Variants in MME observed in about 807,000 individuals in gnomAD.
MME encodes the protein neprilysin.
MME carries 98 observed loss-of-function variants against 113.2 expected under a neutral mutation model. The observed-to-expected ratio is 0.87, with a 90% CI of 0.74 to 1.02. MME has a LOEUF of 1.02. MME is among the 50% of genes least tolerant of loss of function. MME has a pLI of 0.00. For missense variants in MME, 836 were observed against 896.0 expected, an observed-to-expected ratio of 0.93 and a Z score of 0.86; for synonymous variants, 292 against 300.6, an observed-to-expected ratio of 0.97 and a Z score of 0.30.
At chr3:155,132,831 A>T (rs1159887675) in intron 8 of MME, among the ~76,000 whole-genome samples, 1 of 151,598 alleles carries the variant, frequency 6.6e-6, no homozygotes, top group Non-Finnish European at 1.5e-5. Context: ...GAGGTGGTGG[A>T]TCACCTGGGG....
intron 8 of MME, among the ~76,000 whole-genome samples, chr3:155,126,347 A>T (rs1198120107): frequency 2.0e-5 from 3 of 151,750 alleles, no homozygotes; most frequent in African/African-American, 7.2e-5. Context: ...TTTTTTTTAC[A>T]TTTTAATTCT....
At chr3:155,117,636 T>C (rs567189936) in intron 7 of MME, among the ~76,000 whole-genome samples, 9 of 148,396 alleles carry the variant, frequency 6.1e-5, no homozygotes, top group South Asian at 4.2e-4. Flanking sequence ...TAAGAAATTA[T>C]ACAAAAAATT....
intron 1 of MME, among the ~76,000 whole-genome samples, chr3:155,033,671 C>T (rs568878032): frequency 4.1e-4 from 62 of 152,186 alleles, no homozygotes; most frequent in Middle Eastern, 3.4e-3. Flanking sequence ...TTAAAACAGT[C>T]TATCAGTTCT....
intron 3 of MME, among the ~76,000 whole-genome samples, chr3:155,111,021 C>T (rs1198551622): frequency 1.3e-5 from 2 of 152,108 alleles, no homozygotes; most frequent in Admixed American, 6.5e-5. Context: ...GTCAGAGATC[C>T]ACAGATAAGG....
intron 3 of MME, among the ~76,000 whole-genome samples, chr3:155,091,740 A>C (rs538193805): frequency 1.3e-5 from 2 of 152,204 alleles, no homozygotes; most frequent in Non-Finnish European, 2.9e-5. Context: ...GGAAATTGAA[A>C]AATACGCAAT....
At chr3:155,126,787 GT>G (rs1719699034) in intron 8 of MME, among the ~76,000 whole-genome samples, 1 of 151,946 alleles carries the variant, frequency 6.6e-6, no homozygotes, top group African/African-American at 2.4e-5. Flanking sequence ...ATCACCTGAG[GT>G]CGGGAGATCG....
chr3:155,084,042 T>C, intron 1 of MME, 116 bp from the exon 2 acceptor site: 1 of 1,014,586 alleles, frequency 9.9e-7, no homozygotes, highest in South Asian at 1.5e-5. Context: ...ACAGCAAAAA[T>C]GTATTTCTAT....
At chr3:155,166,606 G>T (rs956828552) in intron 17 of MME, among the ~76,000 whole-genome samples, 2 of 152,158 alleles carry the variant, frequency 1.3e-5, no homozygotes, top group African/African-American at 2.4e-5. Flanking sequence ...GAATCGTGAT[G>T]ATAAATCATA....
intron 3 of MME, among the ~76,000 whole-genome samples, chr3:155,098,924 G>C (rs185971423): frequency 1.3e-5 from 2 of 152,196 alleles, no homozygotes; most frequent in Admixed American, 1.3e-4. Context: ...AAGTGCCAGA[G>C]TCTTAAACAA....
intron 20 of MME, among the ~76,000 whole-genome samples, chr3:155,169,308 C>A (rs1306565040): frequency 1.3e-5 from 2 of 152,086 alleles, no homozygotes; most frequent in Non-Finnish European, 2.9e-5. Flanking sequence ...CAGCACATGG[C>A]CTTGTAGTCA....
chr3:155,076,488 A>T (rs981440007), upstream of MME, among the ~76,000 whole-genome samples: 1 of 152,224 alleles, frequency 6.6e-6, no homozygotes, highest in African/African-American at 2.4e-5. Flanking sequence ...TTCAGCACTC[A>T]CATATCCTTC....
intron 8 of MME, among the ~76,000 whole-genome samples, chr3:155,124,532 T>G (rs1159008746): frequency 6.6e-6 from 1 of 152,234 alleles, no homozygotes; most frequent in Non-Finnish European, 1.5e-5. Context: ...GTTCTGTTTT[T>G]TCCCCATCTT....
At chr3:155,076,859 T>A (rs114004148), upstream of MME, among the ~76,000 whole-genome samples, 1,568 of 152,332 alleles carry the variant, frequency 0.01, 29 homozygotes, top group African/African-American at 0.036. Context: ...CTGGTGGTAG[T>A]GTCTTTTAGC....
chr3:155,060,829 CAG>C (rs138935329), intron 1 of MME, among the ~76,000 whole-genome samples: 2,301 of 136,616 alleles, frequency 0.017, 8 homozygotes, highest in African/African-American at 0.025. Flanking sequence ...TGCAGAGAGG[CAG>C]AGAGAGAGAG....
chr3:155,101,670 T>G (rs1298033821), intron 3 of MME, among the ~76,000 whole-genome samples: 1 of 152,188 alleles, frequency 6.6e-6, no homozygotes, highest in Non-Finnish European at 1.5e-5. Flanking sequence ...CACGGAGAAC[T>G]GAAGTTTCCT....
At chr3:155,177,888 C>T (rs1332085102) in intron 22 of MME, among the ~76,000 whole-genome samples, 1 of 152,074 alleles carries the variant, frequency 6.6e-6, no homozygotes, top group Non-Finnish European at 1.5e-5. Flanking sequence ...ATCTTCAGCC[C>T]ACCGTGGTCA....
chr3:155,063,259 A>T (rs1452800378), intron 1 of MME, among the ~76,000 whole-genome samples: 3 of 105,154 alleles, frequency 2.9e-5, no homozygotes, highest in African/African-American at 7.9e-5. Flanking sequence ...ATATACATAT[A>T]ATGTATATTA....
At chr3:155,054,031 A>G (rs1713847849) in intron 1 of MME, among the ~76,000 whole-genome samples, 1 of 152,234 alleles carries the variant, frequency 6.6e-6, no homozygotes, top group Non-Finnish European at 1.5e-5. Flanking sequence ...GAGGATTGCT[A>G]AGAATTGCCA....
chr3:155,174,548 TA>T (rs1224934648), intron 22 of MME, among the ~76,000 whole-genome samples: 1 of 152,084 alleles, frequency 6.6e-6, no homozygotes, highest in Non-Finnish European at 1.5e-5. Flanking sequence ...AAAAAAACTT[TA>T]AAAATTAATA....
Sources: allele counts gnomAD v4.1 joint callset (sites outside exome capture counted in the v4.1 genomes callset), GRCh38; gene constraint gnomAD v4.1.1; transcripts MANE v1.5; gene names NCBI Gene and HGNC (gene_info 2026-07-23, HGNC 2026-07-21).